ADAM18: variants seen among roughly 807,000 people sequenced by gnomAD.
ADAM18 encodes disintegrin and metalloproteinase domain-containing protein 18.
ADAM18 carries 117 observed loss-of-function variants against 94.4 expected under a neutral mutation model. The observed-to-expected ratio is 1.24, with a 90% CI of 1.07 to 1.45. The LOEUF (loss-of-function observed/expected upper bound fraction) is 1.45. Among genes scored for constraint, ADAM18 ranks in the 40% most tolerant of loss-of-function variants. The pLI is 0.00. For missense variants in ADAM18, 936 were observed against 880.0 expected (o/e 1.06, Z -0.81); for synonymous variants, 327 against 291.6 (o/e 1.12, Z -1.24).
chr8:39,615,082 A>G (rs1458855832), intron 6 of ADAM18, among the ~76,000 whole-genome samples: 1 of 152,146 alleles, frequency 6.6e-6, no homozygotes, highest in Non-Finnish European at 1.5e-5. Context: ...TCTGGGACCT[A>G]AACTCAGCAT....
At chr8:39,720,356 T>C (rs1474979256) in intron 18 of ADAM18, among the ~76,000 whole-genome samples, 2 of 151,452 alleles carry the variant, frequency 1.3e-5, no homozygotes, top group African/African-American at 2.4e-5. Context: ...GTATGGATTA[T>C]GGATATATGC....
chr8:39,657,834 G>A (rs898095528), intron 12 of ADAM18, among the ~76,000 whole-genome samples: 3 of 152,086 alleles, frequency 2.0e-5, no homozygotes, highest in Non-Finnish European at 2.9e-5. Flanking sequence ...TCTTAAAAAT[G>A]AGAAGAAAGG....
chr8:39,650,803 G>A (rs896575334), intron 12 of ADAM18, among the ~76,000 whole-genome samples: 11 of 152,140 alleles, frequency 7.2e-5, no homozygotes, highest in African/African-American at 2.7e-4. Flanking sequence ...TTGAAGGGGT[G>A]GCCTCCCCCT....
intron 2 of ADAM18, chr8:39,604,517 C>G (rs1819008297): frequency 6.6e-6 from 1 of 151,982 alleles, no homozygotes; most frequent in African/African-American, 2.4e-5. Context: ...GGGGTGGATC[C>G]CTCATGGCTT....
At chr8:39,607,344 G>A (rs967610807) in intron 3 of ADAM18, among the ~76,000 whole-genome samples, 6 of 152,086 alleles carry the variant, frequency 3.9e-5, no homozygotes, top group Admixed American at 6.6e-5. Context: ...AAATAAAGTA[G>A]CCTCTTCTCT....
chr8:39,685,603 G>T (rs1485334270), intron 16 of ADAM18, among the ~76,000 whole-genome samples: 1 of 152,104 alleles, frequency 6.6e-6, no homozygotes, highest in African/African-American at 2.4e-5. Context: ...TTTTTCAAAA[G>T]GTGGCTTGGT....
In ADAM18 at chr8:39,706,901, T is replaced by C; in HGVS notation, c.2014T>C (p.Ser672Pro). Residue 672 changes from serine to proline, a missense_variant, in exon 18 of 20, where the codon TCT becomes CCT. Ser to Pro is a moderately conservative substitution (Grantham distance 74, BLOSUM62 -1). Transcript: ENST00000265707. ...GSIDDGNFQKSGDFYTEKGYN... is the reference protein window; with the variant it reads ...GSIDDGNFQKPGDFYTEKGYN... ...TATTGATGATGGAAATTTTCAGAAA[T>C]CTGGTAAGTGGAAATTTGTTTTCTA... The C allele has an allele frequency of 4.5e-6, 7 of 1,560,292 alleles. No individual in the cohort carries two copies. The highest frequency in any genetic ancestry group is 6.1e-6 in the Non-Finnish European group (7 of 1,140,440).
chr8:39,713,824 G>A (rs571690352), intron 18 of ADAM18, among the ~76,000 whole-genome samples: 5 of 152,148 alleles, frequency 3.3e-5, no homozygotes, highest in African/African-American at 7.2e-5. Flanking sequence ...GAAATAGAAC[G>A]CTTTTACACT....
intron 13 of ADAM18, among the ~76,000 whole-genome samples, chr8:39,667,740 C>G (rs543214636): frequency 2.0e-5 from 3 of 152,110 alleles, no homozygotes; most frequent in Non-Finnish European, 2.9e-5. Context: ...CAGCTTATTT[C>G]AAAATGTAGA....
chr8:39,590,729 A>G (rs920346831), intron 2 of ADAM18, among the ~76,000 whole-genome samples: 1 of 152,236 alleles, frequency 6.6e-6, no homozygotes, highest in Non-Finnish European at 1.5e-5. Flanking sequence ...AACATTTTAC[A>G]TTGATAAATA....
chr8:39,674,375 T>C (rs1225650435), intron 14 of ADAM18, among the ~76,000 whole-genome samples: 1 of 152,226 alleles, frequency 6.6e-6, no homozygotes, highest in Non-Finnish European at 1.5e-5. Context: ...TTTACCATTA[T>C]GTAATGGCCT....
chr8:39,639,219 T>A (rs985567022), intron 10 of ADAM18, among the ~76,000 whole-genome samples: 1 of 151,930 alleles, frequency 6.6e-6, no homozygotes, highest in Non-Finnish European at 1.5e-5. Context: ...GATCAAAAAA[T>A]AGAATATTAT....
At chr8:39,674,592 C>T (rs1223497722) in intron 14 of ADAM18, among the ~76,000 whole-genome samples, 1 of 152,122 alleles carries the variant, frequency 6.6e-6, no homozygotes, top group African/African-American at 2.4e-5. Flanking sequence ...CAGTCTGTGT[C>T]TTTTAACTGG....
chr8:39,648,558 AT>A (rs759923646), intron 12 of ADAM18, 31 bp downstream of exon 12: 1 of 1,561,828 alleles, frequency 6.4e-7, no homozygotes, highest in African/African-American at 1.4e-5. Flanking sequence ...CTCGAGCACA[AT>A]TTTTATGTTT....
intron 6 of ADAM18, chr8:39,611,334 T>C (rs1365899777): frequency 1.6e-6 from 1 of 642,664 alleles, no homozygotes; most frequent in Non-Finnish European, 1.9e-6. Context: ...TGAATGGATC[T>C]CTTTGTGTTT....
At chr8:39,621,072 C>A (rs930592990) in intron 6 of ADAM18, among the ~76,000 whole-genome samples, 1 of 151,762 alleles carries the variant, frequency 6.6e-6, no homozygotes, top group East Asian at 1.9e-4. Context: ...ATAAATAACT[C>A]AAAAGCCAAC....
At chr8:39,672,491 C>G (rs530266113) in intron 14 of ADAM18, among the ~76,000 whole-genome samples, 2 of 152,210 alleles carry the variant, frequency 1.3e-5, no homozygotes, top group East Asian at 3.9e-4. Context: ...ATACGATTTC[C>G]CTGTGTTCTG....
At chr8:39,615,956 A>G (rs1819426603) in intron 6 of ADAM18, among the ~76,000 whole-genome samples, 1 of 152,228 alleles carries the variant, frequency 6.6e-6, no homozygotes, top group Admixed American at 6.5e-5. Context: ...AATCTCATTC[A>G]CATTAGCCAC....
At chr8:39,620,357 C>CCAAAAAAA (rs1819573734) in intron 6 of ADAM18, among the ~76,000 whole-genome samples, 1 of 90,568 alleles carries the variant, frequency 1.1e-5, no homozygotes, top group African/African-American at 4.4e-5. Context: ...GCAACAAAAG[C>CCAAAAAAA]AAAAAAAAAA....
Sources: allele counts gnomAD v4.1 joint callset (sites outside exome capture counted in the v4.1 genomes callset), GRCh38; gene constraint gnomAD v4.1.1; transcripts MANE v1.5; gene names NCBI Gene and HGNC (gene_info 2026-07-23, HGNC 2026-07-21).